The following CLPB variants were observed in gnomAD, a reference collection of about 807,000 sequenced individuals.
The protein encoded by CLPB is mitochondrial disaggregase.
A neutral mutation model predicts 78.4 loss-of-function variants in CLPB; 40 were observed. That is an observed-to-expected ratio of 0.51 (90% confidence interval 0.40 to 0.66). The LOEUF (loss-of-function observed/expected upper bound fraction) is 0.66, where lower values mean the gene tolerates loss of function less well. Ranked by LOEUF, CLPB falls within the 30% of genes least tolerant of loss-of-function variation. The pLI is 0.00. For missense variants in CLPB, 780 were observed against 886.9 expected (o/e 0.88, Z 1.53); for synonymous variants, 333 against 348.0 (o/e 0.96, Z 0.48).
At chr11:72,314,238 C>T (rs1404649473) in intron 7 of CLPB, among the ~76,000 whole-genome samples, 1 of 152,156 alleles carries the variant, frequency 6.6e-6, no homozygotes, top group Non-Finnish European at 1.5e-5. Flanking sequence ...TTCAGAGGGT[C>T]AACCGGGACT....
intron 3 of CLPB, 59 bp from the exon 4 acceptor site, chr11:72,380,443 C>G: frequency 7.4e-7 from 1 of 1,355,508 alleles, no homozygotes; most frequent in Non-Finnish European, 1.1e-6. Flanking sequence ...GAGGTACAGA[C>G]CCAGATCCGG....
At chr11:72,407,563 C>T (rs1474974095) in intron 2 of CLPB, among the ~76,000 whole-genome samples, 2 of 152,154 alleles carry the variant, frequency 1.3e-5, no homozygotes, top group South Asian at 2.1e-4. Context: ...GGAAGAGGCA[C>T]TTCTCTAAAC....
intron 4 of CLPB, among the ~76,000 whole-genome samples, chr11:72,374,361 C>T (rs1279492532): frequency 6.6e-6 from 1 of 152,186 alleles, no homozygotes. Context: ...CAAGATCACA[C>T]ATCTAGTAAT....
At chr11:72,296,407 A>G (rs1949552273) in intron 11 of CLPB, among the ~76,000 whole-genome samples, 1 of 152,224 alleles carries the variant, frequency 6.6e-6, no homozygotes, top group South Asian at 2.1e-4. Flanking sequence ...AGGCATCTAT[A>G]CTGGAGAAAG....
chr11:72,331,533 G>A (rs1185622680), intron 5 of CLPB, among the ~76,000 whole-genome samples: 1 of 149,278 alleles, frequency 6.7e-6, no homozygotes, highest in Non-Finnish European at 1.5e-5. Flanking sequence ...GGGCCACTGT[G>A]CCCAGCCACA....
At chr11:72,415,838 G>T (rs932477079) in intron 2 of CLPB, among the ~76,000 whole-genome samples, 1 of 152,176 alleles carries the variant, frequency 6.6e-6, no homozygotes, top group African/African-American at 2.4e-5. Flanking sequence ...GGGGATGGTT[G>T]CCCTGCTCCT....
chr11:72,299,048 C>T (rs1186216671), intron 11 of CLPB, among the ~76,000 whole-genome samples: 1 of 152,214 alleles, frequency 6.6e-6, no homozygotes, highest in Non-Finnish European at 1.5e-5. Context: ...CTGGATGTCC[C>T]TCAGGTATCT....
At chr11:72,393,905 AC>A (rs751138125) in intron 3 of CLPB, among the ~76,000 whole-genome samples, 3 of 151,904 alleles carry the variant, frequency 2.0e-5, no homozygotes, top group Non-Finnish European at 4.4e-5. Context: ...CTATTTTTTC[AC>A]CCAATATATT....
chr11:72,370,753 C>T (rs775880622), intron 4 of CLPB, among the ~76,000 whole-genome samples: 3 of 152,138 alleles, frequency 2.0e-5, no homozygotes, highest in Non-Finnish European at 4.4e-5. Context: ...ACTGTGAATA[C>T]AAAGTAAGTA....
intron 5 of CLPB, among the ~76,000 whole-genome samples, chr11:72,333,107 G>C (rs1950257082): frequency 6.6e-6 from 1 of 152,140 alleles, no homozygotes; most frequent in African/African-American, 2.4e-5. Context: ...CTAGCCCAAG[G>C]CCACAAAGCT....
chr11:72,316,178 A>G (rs557818488), intron 7 of CLPB, among the ~76,000 whole-genome samples: 2 of 152,314 alleles, frequency 1.3e-5, no homozygotes, highest in South Asian at 4.1e-4. Context: ...GTGGTATTTT[A>G]AACTTCAGCT....
chr11:72,365,466 T>C (rs1950925209), intron 4 of CLPB, among the ~76,000 whole-genome samples: 1 of 152,230 alleles, frequency 6.6e-6, no homozygotes, highest in African/African-American at 2.4e-5. Context: ...GGTCTCTTTA[T>C]GGAGTGATAA....
At chr11:72,356,015 C>T (rs1382938072) in intron 5 of CLPB, among the ~76,000 whole-genome samples, 3 of 152,132 alleles carry the variant, frequency 2.0e-5, no homozygotes, top group African/African-American at 7.2e-5. Flanking sequence ...GGCGCGGTAG[C>T]TCATGCCTGT....
chr11:72,317,090 T>C lies in CLPB; in HGVS notation c.988+16A>G. 1 of 1,583,488 alleles carries C rather than the reference T, an allele frequency of 6.3e-7. No individual in the cohort carries two copies. The highest frequency in any genetic ancestry group is 8.6e-7 in the Non-Finnish European group (1 of 1,161,018). On this transcript the variant is annotated intron_variant, in intron 7 of 15. Transcript: ENST00000538039. ...AAGGGCACCACTCTGCCCTTTCTGGTGTCCCACACACTCACCAGCACCCAC... is the reference window on the plus strand; with the variant it reads ...AAGGGCACCACTCTGCCCTTTCTGGCGTCCCACACACTCACCAGCACCCAC...
intron 6 of CLPB, among the ~76,000 whole-genome samples, chr11:72,318,441 G>A (rs1421980913): frequency 6.6e-6 from 1 of 152,106 alleles, no homozygotes. Context: ...TGTGGAGGTT[G>A]GGAACTGGAG....
intron 4 of CLPB, among the ~76,000 whole-genome samples, chr11:72,379,960 G>C (rs139731807): frequency 6.6e-6 from 1 of 152,154 alleles, no homozygotes; most frequent in Admixed American, 6.5e-5. Flanking sequence ...AATCTGCTCC[G>C]TTGTCCACTC....
intron 2 of CLPB, among the ~76,000 whole-genome samples, chr11:72,413,290 GA>G (rs961493856): frequency 5.6e-4 from 80 of 141,682 alleles, no homozygotes; most frequent in African/African-American, 1.8e-3. Context: ...AATCCGTCTC[GA>G]AAAAAAAAAA....
intron 3 of CLPB, among the ~76,000 whole-genome samples, chr11:72,388,250 C>CCT (rs1226580335): frequency 2.2e-5 from 3 of 138,112 alleles, no homozygotes; most frequent in African/African-American, 8.3e-5. Context: ...TTCCCTTCCC[C>CCT]TTTTTTTTTT....
intron 3 of CLPB, among the ~76,000 whole-genome samples, chr11:72,384,620 T>C (rs188024361): frequency 2.0e-5 from 3 of 151,920 alleles, no homozygotes; most frequent in Admixed American, 2.0e-4. Flanking sequence ...TTAAAAAGAG[T>C]AAGACCCTAC....
Sources: allele counts gnomAD v4.1 joint callset (sites outside exome capture counted in the v4.1 genomes callset), GRCh38; gene constraint gnomAD v4.1.1; transcripts MANE v1.5; gene names NCBI Gene and HGNC (gene_info 2026-07-23, HGNC 2026-07-21).